Variants in TULP4 observed in about 807,000 individuals in gnomAD.
The protein encoded by TULP4 is tubby-related protein 4.
In TULP4, 16 loss-of-function variants were observed where a neutral mutation model predicts 129.0. The observed-to-expected ratio is 0.12, with a 90% CI of 0.08 to 0.19. TULP4 has a LOEUF of 0.19. TULP4 is among the 10% of genes least tolerant of loss of function. The pLI is 1.00. For missense variants in TULP4, 1,842 were observed against 2,059.1 expected (o/e 0.89, Z 2.04); for synonymous variants, 998 against 854.0 (o/e 1.17, Z -2.94).
chr6:158,307,994 TTC>T (rs1779246976), upstream of TULP4, among the ~76,000 whole-genome samples: 1 of 151,914 alleles, frequency 6.6e-6, no homozygotes, highest in South Asian at 2.1e-4. Context: ...AGTTTTTCTT[TTC>T]TTTTTTTTTT....
chr6:158,378,066 A>G (rs1445570717), intron 1 of TULP4, among the ~76,000 whole-genome samples: 3 of 152,152 alleles, frequency 2.0e-5, no homozygotes, highest in Non-Finnish European at 2.9e-5. Context: ...CTCTTTGTCC[A>G]GTAGGCTAGC....
chr6:158,242,366 TG>T, intron 1 of TULP4: 1 of 1,510,676 alleles, frequency 6.6e-7, no homozygotes, highest in Non-Finnish European at 9.2e-7. Context: ...CTGCAACAAC[TG>T]CTGAAGGGTT....
At position 158,509,620 on chromosome 6, in the gene TULP4, G is replaced by T. The variant is rs9347236; in HGVS notation, c.*2926G>T. 0.3 allele frequency: 45,892 copies of T among 152,098 alleles called. 7,794 individuals carry two copies. The highest frequency in any genetic ancestry group is 0.53 in the East Asian group (2,716 of 5,164). The allele number at this position is 152,098 out of a possible 1,614,324, so 9.4% of individuals were successfully genotyped here. On this transcript the variant is annotated 3_prime_UTR_variant, in exon 14 of 14. Transcript: ENST00000367097. ...CAAATAATTAACTAAGCTTCTAAAT[G>T]CCTAGCTCCCTCCCCCAAAGGCGCT...
At chr6:158,241,386 A>G (rs577385667) in intron 1 of TULP4, among the ~76,000 whole-genome samples, 1 of 139,106 alleles carries the variant, frequency 7.2e-6, no homozygotes, top group South Asian at 2.3e-4. Context: ...TGGGAGGCCA[A>G]GGCAGGCGGC....
intron 1 of TULP4, among the ~76,000 whole-genome samples, chr6:158,358,685 C>T (rs575600836): frequency 2.6e-5 from 4 of 152,236 alleles, no homozygotes; most frequent in Non-Finnish European, 5.9e-5. Context: ...ACTTGAGGGC[C>T]AGAGACATGC....
intron 1 of TULP4, among the ~76,000 whole-genome samples, chr6:158,324,583 C>T (rs1398871970): frequency 1.3e-5 from 2 of 152,168 alleles, no homozygotes; most frequent in Non-Finnish European, 2.9e-5. Flanking sequence ...GATCGTCTAT[C>T]GTGTGTCAGA....
In TULP4 at chr6:158,240,593, C is replaced by T. The variant is rs1293738418; in HGVS notation, n.68+8290C>T. Among the ~76,000 whole-genome samples, 131 of 82,394 alleles carry T rather than the reference C, an allele frequency of 1.6e-3. No individual in the cohort carries two copies. In the Middle Eastern group the frequency reaches 0.034, roughly 21 times the overall value. The allele number at this position is 82,394 out of a possible 152,430, so 54.1% of individuals were successfully genotyped here. The stretch of plus-strand genomic sequence containing the variant: ...GGGGCTCCTCACTTCCCAGTAGGGG[C>T]GGCCGGGCAGAGGCGCCCCTCACCT... On this transcript the variant is annotated intron_variant and non_coding_transcript_variant, in intron 1 of 1. Coordinates refer to the TULP4 transcript ENST00000620026.
intron 5 of TULP4, among the ~76,000 whole-genome samples, chr6:158,455,416 T>TA (rs1281516219): frequency 1.3e-5 from 2 of 152,078 alleles, no homozygotes; most frequent in Non-Finnish European, 2.9e-5. Context: ...TATCTAAATC[T>TA]AACCTAAAAA....
At position 158,503,718 on chromosome 6, in the gene TULP4, C is replaced by T; in HGVS notation, c.4055C>T (p.Ala1352Val). 1.2e-6 allele frequency: 2 copies of T among 1,614,022 alleles called. No individual in the cohort carries two copies. Among genetic ancestry groups the T allele is most frequent in the Non-Finnish European group, 1.7e-6 (2 of 1,180,022 alleles). ...CGAGCAGAAGAAGGCAGCGTTCAGG[C>T]CATCACTGAGGGCAAAGTGAAGAAG... ...DSRAEEGSVQ[A>V]ITEGKVKKEA... Residue 1352 changes from alanine (A) to valine (V), a missense_variant, in exon 13 of 14, where the codon GCC (alanine) becomes GTC (valine). Transcript: ENST00000367097. This position sits in a 1 kb window ranked among gnomAD's most constrained non-coding sequence, Gnocchi z 4.3.
intron 1 of TULP4, among the ~76,000 whole-genome samples, chr6:158,245,145 AC>A (rs1489494079): frequency 4.8e-5 from 7 of 146,192 alleles, no homozygotes; most frequent in African/African-American, 1.8e-4. Flanking sequence ...ATATCACCAC[AC>A]CTGGTCAATT....
intron 1 of TULP4, among the ~76,000 whole-genome samples, chr6:158,393,561 C>T (rs1453510011): frequency 6.6e-6 from 1 of 152,238 alleles, no homozygotes; most frequent in Non-Finnish European, 1.5e-5. Flanking sequence ...CAGACCTCAA[C>T]TATTGCCTTC....
chr6:158,438,847 A>G (rs1007269041), intron 3 of TULP4, among the ~76,000 whole-genome samples: 18 of 152,122 alleles, frequency 1.2e-4, no homozygotes, highest in African/African-American at 4.1e-4. Flanking sequence ...GGCCTCCCAA[A>G]ACTGCACCTG....
chr6:158,363,806 A>G (rs1264895383), intron 1 of TULP4, among the ~76,000 whole-genome samples: 1 of 151,856 alleles, frequency 6.6e-6, no homozygotes, highest in Non-Finnish European at 1.5e-5. Flanking sequence ...TTTTCTTTTA[A>G]TTAAGTGTAT....
intron 1 of TULP4, among the ~76,000 whole-genome samples, chr6:158,410,893 G>A (rs1778084409): frequency 6.6e-6 from 1 of 152,112 alleles, no homozygotes; most frequent in Admixed American, 6.5e-5. Context: ...ACAAAGGACT[G>A]TATTAATGTC....
chr6:158,490,102 G>A (rs924375713), intron 9 of TULP4, among the ~76,000 whole-genome samples: 5 of 152,130 alleles, frequency 3.3e-5, no homozygotes, highest in African/African-American at 9.7e-5. Flanking sequence ...CAGATAAGAT[G>A]CCTGTAATGC....
At chr6:158,480,443 C>G (rs1779914263) in intron 7 of TULP4, among the ~76,000 whole-genome samples, 1 of 152,246 alleles carries the variant, frequency 6.6e-6, no homozygotes, top group Admixed American at 6.5e-5. Context: ...GTTCTAGGGC[C>G]TGCTCTCAGC....
At chr6:158,388,330 T>TCTTTC (rs202167650) in intron 1 of TULP4, among the ~76,000 whole-genome samples, 2 of 127,854 alleles carry the variant, frequency 1.6e-5, no homozygotes, top group African/African-American at 6.0e-5. Context: ...TTCTTTTTTT[T>TCTTTC]TTTTTTTTTT....
chr6:158,293,451 G>T (rs188675086), intron 1 of TULP4, among the ~76,000 whole-genome samples: 186 of 152,362 alleles, frequency 1.2e-3, no homozygotes, highest in Admixed American at 2.2e-3. Context: ...GGTGGGAATT[G>T]CAGGTAGCAT....
exon 1 of TULP4, chr6:158,232,266 G>T (rs1777610299): frequency 1.3e-5 from 2 of 148,506 alleles, no homozygotes; most frequent in South Asian, 3.5e-4. Context: ...GGAGAGGCAC[G>T]GAGGAGCCGC....
Sources: allele counts gnomAD v4.1 joint callset (sites outside exome capture counted in the v4.1 genomes callset), GRCh38; gene constraint gnomAD v4.1.1; non-coding constraint Gnocchi (gnomAD v3.1); transcripts MANE v1.5; gene names NCBI Gene and HGNC (gene_info 2026-07-23, HGNC 2026-07-21).